The following TACR3 variants were observed in gnomAD, a reference collection of about 807,000 sequenced individuals.
The protein encoded by TACR3 is neuromedin-K receptor.
In TACR3, 34 loss-of-function variants were observed where a neutral mutation model predicts 35.0. The ratio of observed to expected loss-of-function variants is 0.97; its 90% CI spans 0.74 to 1.30. The LOEUF is 1.30. Ranked by LOEUF, TACR3 falls within the 50% of genes most tolerant of loss-of-function variation. The pLI is 0.00. For synonymous variants in TACR3, 233 were observed against 221.1 expected (o/e 1.05, Z -0.48); for missense variants, 558 against 591.7 (o/e 0.94, Z 0.59).
chr4:103,710,562 T>A (rs1373314316), intron 1 of TACR3, among the ~76,000 whole-genome samples: 1 of 152,046 alleles, frequency 6.6e-6, no homozygotes, highest in Non-Finnish European at 1.5e-5. Context: ...ATTGACACCC[T>A]AACATCACAA....
At chr4:103,649,267 C>G (rs1725529718) in intron 3 of TACR3, among the ~76,000 whole-genome samples, 1 of 152,064 alleles carries the variant, frequency 6.6e-6, no homozygotes, top group South Asian at 2.1e-4. Flanking sequence ...GCTTCCTTTG[C>G]TGCACAGAAG....
chr4:103,666,673 A>C (rs1447755239), intron 1 of TACR3, among the ~76,000 whole-genome samples: 1 of 152,184 alleles, frequency 6.6e-6, no homozygotes, highest in Non-Finnish European at 1.5e-5. Context: ...TACATGAAAC[A>C]ATGCCTACTC....
At chr4:103,630,241 T>G (rs371143229) in intron 3 of TACR3, among the ~76,000 whole-genome samples, 10 of 152,082 alleles carry the variant, frequency 6.6e-5, no homozygotes, top group East Asian at 1.9e-4. Context: ...AACCCTAGAA[T>G]AAAACCTAGG....
chr4:103,677,219 G>A (rs1187196653), intron 1 of TACR3, among the ~76,000 whole-genome samples: 1 of 152,184 alleles, frequency 6.6e-6, no homozygotes, highest in African/African-American at 2.4e-5. Context: ...ACAGATGCTG[G>A]TGAGGTTGTG....
intron 3 of TACR3, among the ~76,000 whole-genome samples, chr4:103,609,285 G>A (rs1368926180): frequency 2.6e-5 from 4 of 152,100 alleles, no homozygotes; most frequent in African/African-American, 9.7e-5. Flanking sequence ...TTTGTAGGAT[G>A]TAATATTGTG....
chr4:103,618,259 T>C (rs1439701087), intron 3 of TACR3, among the ~76,000 whole-genome samples: 1 of 152,202 alleles, frequency 6.6e-6, no homozygotes, highest in African/African-American at 2.4e-5. Flanking sequence ...TTGTATATGG[T>C]GAAAGGTAGG....
intron 3 of TACR3, among the ~76,000 whole-genome samples, chr4:103,612,173 C>T (rs76817609): frequency 0.029 from 4,476 of 152,268 alleles, 254 homozygotes; most frequent in African/African-American, 0.1. Context: ...ATTACATACT[C>T]CCATTGGTTC....
At chr4:103,646,476 T>G (rs1725457078) in intron 3 of TACR3, among the ~76,000 whole-genome samples, 1 of 152,044 alleles carries the variant, frequency 6.6e-6, no homozygotes, top group Admixed American at 6.6e-5. Flanking sequence ...ATTTAAATAT[T>G]ATGTTTTATG....
At position 103,587,917 on chromosome 4, in the gene TACR3, TG is replaced by T. The variant is rs1723806075; in HGVS notation, c.*1764del. On this transcript the variant is annotated 3_prime_UTR_variant, in exon 5 of 5. Transcript: ENST00000304883. ...AATGACCACTTATCATTTCAGTATT[TG>T]ATTTTAATTCTTTGAAGTTGTTGCA... 6.6e-6 allele frequency: 1 copy of T among 152,076 alleles called. No individual in the cohort carries two copies. Among genetic ancestry groups the T allele is most frequent in the African/African-American group, 2.4e-5 (1 of 41,444 alleles). The allele number at this position is 152,076 out of a possible 1,614,324, so 9.4% of individuals were successfully genotyped here.
intron 3 of TACR3, among the ~76,000 whole-genome samples, chr4:103,595,817 G>A (rs948005484): frequency 6.0e-5 from 9 of 150,748 alleles, no homozygotes; most frequent in South Asian, 2.1e-4. Context: ...AGTTACATAT[G>A]TATACATGTG....
At chr4:103,709,837 A>C (rs995969992) in intron 1 of TACR3, among the ~76,000 whole-genome samples, 3 of 152,090 alleles carry the variant, frequency 2.0e-5, no homozygotes, top group Admixed American at 6.6e-5. Flanking sequence ...GGAAAACAAA[A>C]AAAAATGCAG....
At chr4:103,622,043 A>G (rs766699536) in intron 3 of TACR3, among the ~76,000 whole-genome samples, 1 of 152,148 alleles carries the variant, frequency 6.6e-6, no homozygotes, top group Non-Finnish European at 1.5e-5. Flanking sequence ...CTGAAGAGGA[A>G]TGGTCTGCAG....
chr4:103,706,656 C>T (rs1188110383), intron 1 of TACR3, among the ~76,000 whole-genome samples: 2 of 151,906 alleles, frequency 1.3e-5, no homozygotes, highest in East Asian at 1.9e-4. Flanking sequence ...ATGTGACGGT[C>T]ATAGGTTGGT....
chr4:103,710,039 C>G (rs1722905724), intron 1 of TACR3, among the ~76,000 whole-genome samples: 1 of 152,148 alleles, frequency 6.6e-6, no homozygotes, highest in Admixed American at 6.5e-5. Context: ...GAGACTTTGA[C>G]TCCCACACAA....
chr4:103,656,631 A>G (rs1044784850), intron 2 of TACR3, among the ~76,000 whole-genome samples: 8 of 152,012 alleles, frequency 5.3e-5, no homozygotes, highest in African/African-American at 1.9e-4. Flanking sequence ...GTTGAGGAGG[A>G]ACGACTTTCC....
intron 3 of TACR3, among the ~76,000 whole-genome samples, chr4:103,655,381 T>C (rs1037129314): frequency 6.6e-6 from 1 of 152,142 alleles, no homozygotes; most frequent in Non-Finnish European, 1.5e-5. Context: ...ATGATTGGCA[T>C]AATCAGTAGG....
chr4:103,712,123 T>G (rs1722978678), intron 1 of TACR3, among the ~76,000 whole-genome samples: 3 of 152,316 alleles, frequency 2.0e-5, no homozygotes, highest in Admixed American at 2.0e-4. Context: ...ATGACTTTCT[T>G]CACAGAATTG....
chr4:103,714,711 A>G (rs1267324917), intron 1 of TACR3, among the ~76,000 whole-genome samples: 1 of 152,148 alleles, frequency 6.6e-6, no homozygotes, highest in Non-Finnish European at 1.5e-5. Flanking sequence ...CAGAGAAAGG[A>G]TATTGCACTT....
At chr4:103,648,165 T>A (rs1257372113) in intron 3 of TACR3, among the ~76,000 whole-genome samples, 2 of 151,988 alleles carry the variant, frequency 1.3e-5, no homozygotes, top group Non-Finnish European at 1.5e-5. Flanking sequence ...AGCCTTTCAT[T>A]ATTTATTATT....
Sources: allele counts gnomAD v4.1 joint callset (sites outside exome capture counted in the v4.1 genomes callset), GRCh38; gene constraint gnomAD v4.1.1; transcripts MANE v1.5; gene names NCBI Gene and HGNC (gene_info 2026-07-23, HGNC 2026-07-21).